SMIM14: variants seen among roughly 807,000 people sequenced by gnomAD.
The protein encoded by SMIM14 is chromosome 4 open reading frame 34.
A neutral mutation model predicts 12.6 loss-of-function variants in SMIM14; 5 were observed. The ratio of observed to expected loss-of-function variants is 0.40; its 90% CI spans 0.21 to 0.83. The LOEUF is 0.83. SMIM14 is among the 40% of genes least tolerant of loss of function. The pLI is 0.37. For missense variants in SMIM14, 86 were observed against 119.1 expected, an observed-to-expected ratio of 0.72 and a Z score of 1.29; for synonymous variants, 30 against 40.1, an observed-to-expected ratio of 0.75 and a Z score of 0.95.
At chr4:39,552,751 T>C (rs1711782863) in intron 4 of SMIM14, among the ~76,000 whole-genome samples, 1 of 152,152 alleles carries the variant, frequency 6.6e-6, no homozygotes, top group Non-Finnish European at 1.5e-5. Context: ...CTGAATTTTT[T>C]TGACGTGTAA....
At chr4:39,600,871 A>AAAAT (rs577838057) in intron 2 of SMIM14, among the ~76,000 whole-genome samples, 1 of 152,086 alleles carries the variant, frequency 6.6e-6, no homozygotes, top group Non-Finnish European at 1.5e-5. Flanking sequence ...ACTCCATCTC[A>AAAAT]AAATAAATAA....
At chr4:39,590,436 T>C (rs1201674795) in intron 2 of SMIM14, among the ~76,000 whole-genome samples, 1 of 151,434 alleles carries the variant, frequency 6.6e-6, no homozygotes, top group Non-Finnish European at 1.5e-5. Flanking sequence ...GAATGATTCA[T>C]GATTAGACGG....
In SMIM14 at chr4:39,549,059, G is replaced by A. The variant is rs1360446399; in HGVS notation, c.*3067C>T. 1 of 152,120 alleles carries A rather than the reference G, an allele frequency of 6.6e-6. No individual in the cohort carries two copies. The highest frequency in any genetic ancestry group is 1.5e-5 in the Non-Finnish European group (1 of 68,064). 9.4% of individuals were successfully genotyped at this position (152,120 alleles called of 1,614,324 possible). On this transcript the variant is annotated 3_prime_UTR_variant, in exon 5 of 5. Coordinates refer to ENST00000295958, the MANE Select transcript of SMIM14 (RefSeq NM_174921.3). The stretch of plus-strand genomic sequence containing the variant: ...AAGATACAAAAATTAGCTGGGCGTG[G>A]TGGTGGGCACTTATAATCCCAGCTA...
intron 1 of SMIM14, among the ~76,000 whole-genome samples, chr4:39,617,217 G>A (rs1243182973): frequency 6.6e-6 from 1 of 152,020 alleles, no homozygotes; most frequent in Non-Finnish European, 1.5e-5. Flanking sequence ...GTAACTTAAG[G>A]CCAAGTTTTT....
chr4:39,631,662 A>AT (rs1715905567), intron 1 of SMIM14, among the ~76,000 whole-genome samples: 1 of 104,496 alleles, frequency 9.6e-6, no homozygotes, highest in Admixed American at 1.2e-4. Flanking sequence ...CCGTCTCAAA[A>AT]AAAAAAAAAA....
rs1248133543 is a variant in SMIM14 at position 39,575,087 on chromosome 4, T to TTG, written c.76-2625_76-2624insCA. Among the ~76,000 whole-genome samples, 54 of 150,926 alleles carry TTG rather than the reference T, an allele frequency of 3.6e-4. 1 individual carries two copies. The highest frequency in any genetic ancestry group is 1.3e-3 in the African/African-American group (53 of 41,310). ...ATAAGAACGAGAAAATAGTTTTTTT[T>TTG]TTTTTTTTTTTTGAGACAGAGTTTC... On this transcript the variant is annotated intron_variant, in intron 2 of 4. Coordinates refer to ENST00000295958, the MANE Select transcript of SMIM14 (RefSeq NM_174921.3).
chr4:39,596,216 C>T (rs2110046429), intron 2 of SMIM14, among the ~76,000 whole-genome samples: 1 of 152,262 alleles, frequency 6.6e-6, no homozygotes, highest in South Asian at 2.1e-4. Flanking sequence ...CTGCCTCAGC[C>T]TCCCAAGTAG....
At chr4:39,569,047 T>C (rs1297803639) in intron 3 of SMIM14, among the ~76,000 whole-genome samples, 1 of 152,128 alleles carries the variant, frequency 6.6e-6, no homozygotes, top group Non-Finnish European at 1.5e-5. Flanking sequence ...TGTTTTCCCA[T>C]GGGGAGGTTC....
intron 1 of SMIM14, among the ~76,000 whole-genome samples, chr4:39,633,498 C>T (rs938931066): frequency 6.6e-6 from 1 of 152,054 alleles, no homozygotes; most frequent in Non-Finnish European, 1.5e-5. Flanking sequence ...TCTTTGGATG[C>T]AGTGGTTCAT....
chr4:39,584,245 G>A (rs1437788540), intron 2 of SMIM14, among the ~76,000 whole-genome samples: 2 of 151,710 alleles, frequency 1.3e-5, no homozygotes, highest in Non-Finnish European at 2.9e-5. Context: ...ACTTTGGGAG[G>A]CCAAGGCAGG....
At chr4:39,585,033 G>A (rs1411644930) in intron 2 of SMIM14, among the ~76,000 whole-genome samples, 1 of 151,606 alleles carries the variant, frequency 6.6e-6, no homozygotes, top group Non-Finnish European at 1.5e-5. Flanking sequence ...GCAATTTACT[G>A]TCATTAAAGA....
At chr4:39,615,004 T>C (rs1187336983) in intron 1 of SMIM14, among the ~76,000 whole-genome samples, 1 of 152,230 alleles carries the variant, frequency 6.6e-6, no homozygotes, top group Non-Finnish European at 1.5e-5. Flanking sequence ...TGTTAACCAA[T>C]TTATCATTGC....
Position 39,551,936 on chromosome 4 carries a change from G to C in SMIM14, c.*190C>G. On this transcript the variant is annotated 3_prime_UTR_variant, in exon 5 of 5. Coordinates refer to ENST00000295958, the MANE Select transcript of SMIM14 (RefSeq NM_174921.3). ...CATTCACTCAAATATACTGTAAATA[G>C]GAATGGCAGTAACACAGGAAGCAAA... The C allele has an allele frequency of 2.3e-6, 1 of 425,826 alleles. No homozygotes were observed. Among genetic ancestry groups the C allele is most frequent in the Non-Finnish European group, 4.3e-6 (1 of 234,310 alleles). The allele number at this position is 425,826 out of a possible 1,614,324, so 26.4% of individuals were successfully genotyped here.
intron 2 of SMIM14, among the ~76,000 whole-genome samples, chr4:39,580,385 G>A (rs1428024420): frequency 2.6e-5 from 4 of 151,992 alleles, no homozygotes; most frequent in African/African-American, 9.7e-5. Context: ...TCCCTATGCT[G>A]TCCAGGCTGT....
chr4:39,556,327 AT>A, intron 4 of SMIM14, 100 bp downstream of exon 4: 1 of 1,098,254 alleles, frequency 9.1e-7, no homozygotes, highest in Non-Finnish European at 1.3e-6. Context: ...GTTAAATATA[AT>A]TTAACTAATT....
rs549313364 is a variant in SMIM14, at chr4:39,628,445, C to T, written c.-36+10294G>A. 2.2e-3 allele frequency among the ~76,000 whole-genome samples: 336 copies of T among 151,870 alleles called. 4 individuals carry two copies. The highest frequency in any genetic ancestry group is 7.6e-3 in the African/African-American group (316 of 41,424). On this transcript the variant is annotated intron_variant, in intron 1 of 4. Coordinates refer to ENST00000295958, the MANE Select transcript of SMIM14 (RefSeq NM_174921.3). ...ATCCCAGCACTTTGGGAGGCTGAGACGGGCAGATCACGAGGTCAGGAAATC... is the reference window on the plus strand; with the variant it reads ...ATCCCAGCACTTTGGGAGGCTGAGATGGGCAGATCACGAGGTCAGGAAATC...
chr4:39,604,642 G>C (rs894430231), intron 2 of SMIM14, among the ~76,000 whole-genome samples: 1 of 150,508 alleles, frequency 6.6e-6, no homozygotes, highest in Admixed American at 6.6e-5. Flanking sequence ...ACAGAGTCTT[G>C]TTCTGTCGCC....
At chr4:39,602,931 CT>C (rs1390679777) in intron 2 of SMIM14, among the ~76,000 whole-genome samples, 1 of 152,132 alleles carries the variant, frequency 6.6e-6, no homozygotes, top group Non-Finnish European at 1.5e-5. Context: ...TTGTACGTAC[CT>C]TTATTAACTG....
At chr4:39,613,813 C>A (rs571546554) in intron 1 of SMIM14, among the ~76,000 whole-genome samples, 2 of 152,266 alleles carry the variant, frequency 1.3e-5, no homozygotes, top group Non-Finnish European at 2.9e-5. Context: ...TCCTTGAGGA[C>A]AAGCAGCTTC....
Sources: allele counts gnomAD v4.1 joint callset (sites outside exome capture counted in the v4.1 genomes callset), GRCh38; gene constraint gnomAD v4.1.1; transcripts MANE v1.5; gene names NCBI Gene and HGNC (gene_info 2026-07-23, HGNC 2026-07-21).